FER1L6: variants seen among roughly 807,000 people sequenced by gnomAD.
FER1L6 encodes the protein fer-1-like protein 6.
In FER1L6, 177 loss-of-function variants were observed where a neutral mutation model predicts 219.2. The observed-to-expected ratio is 0.81, with a 90% CI of 0.71 to 0.91. The LOEUF (loss-of-function observed/expected upper bound fraction) is 0.91, where lower values mean the gene tolerates loss of function less well. FER1L6 is among the 40% of genes least tolerant of loss of function. The pLI, the probability that FER1L6 is intolerant of heterozygous loss-of-function variation, is 0.00. For missense variants in FER1L6, 2,153 were observed against 2,259.9 expected (o/e 0.95, Z 0.96); for synonymous variants, 768 against 824.3 (o/e 0.93, Z 1.17).
chr8:124,042,015 T>A (rs1819522351), intron 20 of FER1L6, among the ~76,000 whole-genome samples: 1 of 152,182 alleles, frequency 6.6e-6, no homozygotes, highest in South Asian at 2.1e-4. Context: ...GACTGCTTGT[T>A]GTTGTTGTAA....
intron 26 of FER1L6, among the ~76,000 whole-genome samples, chr8:124,065,358 G>A (rs948067866): frequency 4.0e-4 from 56 of 140,786 alleles, no homozygotes; most frequent in African/African-American, 1.5e-3. Context: ...CCGAGATCAT[G>A]CTACTGCATT....
chr8:124,067,688 A>G (rs1820884769), intron 27 of FER1L6, 79 bp from the exon 28 acceptor site: 2 of 1,237,820 alleles, frequency 1.6e-6, no homozygotes, highest in African/African-American at 3.2e-5. Context: ...CTGGGAATGC[A>G]GAGGGCTGAG....
intron 1 of FER1L6, among the ~76,000 whole-genome samples, chr8:123,939,536 G>C (rs1386994269): frequency 6.6e-6 from 1 of 152,194 alleles, no homozygotes; most frequent in Non-Finnish European, 1.5e-5. Context: ...TGACACCTGT[G>C]ACAGAGAAGG....
intron 1 of FER1L6, among the ~76,000 whole-genome samples, chr8:123,886,732 G>T (rs1817209801): frequency 6.6e-6 from 1 of 152,006 alleles, no homozygotes; most frequent in Admixed American, 6.6e-5. Flanking sequence ...ATGATAATTT[G>T]TATGGTCACT....
chr8:123,994,489 A>G (rs916970854), intron 12 of FER1L6, among the ~76,000 whole-genome samples: 1 of 152,178 alleles, frequency 6.6e-6, no homozygotes, highest in Non-Finnish European at 1.5e-5. Context: ...GCTCCTACAC[A>G]TTGGCGAGAC....
At chr8:124,073,460 C>T (rs1271752092) in intron 31 of FER1L6, among the ~76,000 whole-genome samples, 4 of 152,042 alleles carry the variant, frequency 2.6e-5, no homozygotes, top group Non-Finnish European at 5.9e-5. Flanking sequence ...GGTTTGCTCT[C>T]GTACTAATAA....
chr8:124,004,935 T>C (rs565970676), intron 13 of FER1L6, among the ~76,000 whole-genome samples: 13 of 151,354 alleles, frequency 8.6e-5, no homozygotes, highest in Admixed American at 7.9e-4. Context: ...GAGGCAGAGG[T>C]TGCAGTGAGC....
At chr8:124,049,536 T>C (rs1331986577) in intron 21 of FER1L6, 71 bp from the exon 22 acceptor site, 1 of 1,516,192 alleles carries the variant, frequency 6.6e-7, no homozygotes, top group African/African-American at 1.4e-5. Context: ...GTGGAGGTGA[T>C]GGCATTGATG....
chr8:124,037,512 T>C (rs907510889), intron 19 of FER1L6, among the ~76,000 whole-genome samples: 8 of 152,204 alleles, frequency 5.3e-5, no homozygotes, highest in Non-Finnish European at 1.0e-4. Context: ...AGACTTAGAA[T>C]TGAGTCCAAA....
At chr8:124,067,686 G>A in intron 27 of FER1L6, 81 bp from the exon 28 acceptor site, 1 of 1,219,252 alleles carries the variant, frequency 8.2e-7, no homozygotes, top group Non-Finnish European at 1.2e-6. Context: ...CTCTGGGAAT[G>A]CAGAGGGCTG....
intron 1 of FER1L6, among the ~76,000 whole-genome samples, chr8:123,860,137 C>A (rs1816721815): frequency 1.2e-5 from 1 of 82,676 alleles, no homozygotes; most frequent in Non-Finnish European, 2.2e-5. Flanking sequence ...CCCCTCCCCC[C>A]TCCCCACCAC....
At chr8:123,992,275 T>A (rs1816896300) in intron 12 of FER1L6, among the ~76,000 whole-genome samples, 1 of 152,198 alleles carries the variant, frequency 6.6e-6, no homozygotes, top group South Asian at 2.1e-4. Context: ...GTAGAATTGG[T>A]ACTAACTCTT....
chr8:123,881,237 C>T (rs1351724352), intron 1 of FER1L6, among the ~76,000 whole-genome samples: 1 of 152,146 alleles, frequency 6.6e-6, no homozygotes, highest in Non-Finnish European at 1.5e-5. Context: ...AAAAAATCCT[C>T]ACTAAAAAAA....
chr8:124,033,961 C>T (rs1000971150), intron 18 of FER1L6, among the ~76,000 whole-genome samples: 2 of 152,118 alleles, frequency 1.3e-5, no homozygotes, highest in African/African-American at 4.8e-5. Flanking sequence ...CCTAGCAGCA[C>T]TGGCAGTAGT....
chr8:124,107,201 G>A (rs956669172), intron 39 of FER1L6, among the ~76,000 whole-genome samples: 8 of 152,082 alleles, frequency 5.3e-5, no homozygotes, highest in Non-Finnish European at 7.4e-5. Flanking sequence ...GCCCGCCTCA[G>A]CCTCTCAAAG....
chr8:123,921,002 T>A (rs1164650432), intron 1 of FER1L6, among the ~76,000 whole-genome samples: 2 of 152,226 alleles, frequency 1.3e-5, no homozygotes, highest in East Asian at 3.8e-4. Context: ...TCAAGGTTCA[T>A]CCATGTTGTG....
intron 1 of FER1L6, among the ~76,000 whole-genome samples, chr8:123,910,496 G>A (rs11779980): frequency 0.32 from 48,681 of 152,056 alleles, 8,564 homozygotes; most frequent in Middle Eastern, 0.43. Flanking sequence ...GCCACATCCT[G>A]TGATAACTTA....
chr8:124,054,458 T>C (rs895975179), intron 22 of FER1L6, among the ~76,000 whole-genome samples: 1 of 152,230 alleles, frequency 6.6e-6, no homozygotes, highest in Admixed American at 6.5e-5. Context: ...CAAAACTTGA[T>C]ATTTCCCAAA....
chr8:123,921,423 C>A (rs115064537), intron 1 of FER1L6, among the ~76,000 whole-genome samples: 1 of 152,132 alleles, frequency 6.6e-6, no homozygotes, highest in South Asian at 2.1e-4. Flanking sequence ...GGAGTGCAGT[C>A]GTGCCATCTT....
Sources: allele counts gnomAD v4.1 joint callset (sites outside exome capture counted in the v4.1 genomes callset), GRCh38; gene constraint gnomAD v4.1.1; transcripts MANE v1.5; gene names NCBI Gene and HGNC (gene_info 2026-07-23, HGNC 2026-07-21).